Variants in LIPA observed in about 807,000 individuals in gnomAD.
LIPA encodes lipase A, lysosomal acid type.
Under a neutral mutation model 40.6 loss-of-function variants are expected in LIPA, and 26 were observed. That is an observed-to-expected ratio of 0.64 (90% confidence interval 0.47 to 0.89). The LOEUF is 0.89. Ranked by LOEUF, LIPA falls within the 40% of genes least tolerant of loss-of-function variation. LIPA has a pLI of 0.00. For synonymous variants in LIPA, 188 were observed against 168.4 expected (o/e 1.12, Z -0.90); for missense variants, 455 against 479.6 (o/e 0.95, Z 0.48).
chr10:89,388,760 G>C (rs1453889062), intron 2 of LIPA, among the ~76,000 whole-genome samples: 2 of 150,210 alleles, frequency 1.3e-5, no homozygotes, highest in East Asian at 1.9e-4. Context: ...GAAATTTCTT[G>C]TGTCTATAGT....
At chr10:89,258,233 A>G (rs1009886135) in intron 1 of LIPA, among the ~76,000 whole-genome samples, 4 of 152,352 alleles carry the variant, frequency 2.6e-5, no homozygotes, top group African/African-American at 9.6e-5. Context: ...TTGAATAGCT[A>G]TATGCAAAAC....
chr10:89,219,436 G>A lies in LIPA; in HGVS notation c.894+3075C>T, dbSNP rs115708538. Among the ~76,000 whole-genome samples, 551 of 152,300 alleles carry A rather than the reference G, an allele frequency of 3.6e-3. 1 individual carries two copies. Among genetic ancestry groups the A allele is most frequent in the African/African-American group, 0.012 (488 of 41,558 alleles). On this transcript the variant is annotated intron_variant, in intron 8 of 9. Coordinates refer to ENST00000336233, the MANE Select transcript of LIPA (RefSeq NM_000235.4). ...TCAAGTCTTGGCTCTGGGGAGCTCCGAAATTCATCAGGTTTATAAGGAGAA... is the reference window on the plus strand; with the variant it reads ...TCAAGTCTTGGCTCTGGGGAGCTCCAAAATTCATCAGGTTTATAAGGAGAA...
chr10:89,248,492 T>A (rs1181012893), intron 1 of LIPA, among the ~76,000 whole-genome samples: 1 of 142,874 alleles, frequency 7.0e-6, no homozygotes, highest in South Asian at 2.2e-4. Context: ...TTATTTATTT[T>A]GAGGCTGAGT....
At chr10:89,253,509 A>G (rs1843161537), upstream of LIPA, among the ~76,000 whole-genome samples, 1 of 152,166 alleles carries the variant, frequency 6.6e-6, no homozygotes, top group African/African-American at 2.4e-5. Flanking sequence ...CCCTCCCACA[A>G]CATGTGGGAA....
chr10:89,403,288 C>A, intron 2 of LIPA: 4 of 1,614,152 alleles, frequency 2.5e-6, no homozygotes, highest in Middle Eastern at 1.6e-4. Flanking sequence ...AAAAAGCCCA[C>A]ATTTGAGGTG....
chr10:89,272,044 T>C (rs1469288549), intron 1 of LIPA, among the ~76,000 whole-genome samples: 1 of 152,088 alleles, frequency 6.6e-6, no homozygotes, highest in Non-Finnish European at 1.5e-5. Context: ...CACTCCAGCC[T>C]GGGCACACAG....
intron 2 of LIPA, among the ~76,000 whole-genome samples, chr10:89,387,265 G>A (rs985072238): frequency 1.3e-5 from 2 of 148,168 alleles, no homozygotes; most frequent in Non-Finnish European, 3.0e-5. Context: ...GCAGTGAGCC[G>A]AGAGATCCCG....
In LIPA at chr10:89,321,521, T is replaced by G. The variant is rs528405101; in HGVS notation, c.-2+21090A>C. On this transcript the variant is annotated intron_variant, in intron 1 of 5. Transcript: ENST00000282673. ...AATGCAAATCAAAACCACAATGAGA[T>G]GCCATCTCACACCCGTTAGAATGGC... Among the ~76,000 whole-genome samples the G allele has an allele frequency of 1.9e-3, 288 of 152,322 alleles. 1 individual carries two copies. Among genetic ancestry groups the G allele is most frequent in the African/African-American group, 6.5e-3 (270 of 41,570 alleles).
At position 89,356,681 on chromosome 10, in the gene LIPA, A is replaced by T. The variant is rs571221027; in HGVS notation, c.61+56110T>A. Reference sequence around the variant, plus strand: ...AGCTCAGGGCTCCCACTGATTCTACATTATAGTGAGTTGTATAATTATTTC... The same window carrying T: ...AGCTCAGGGCTCCCACTGATTCTACTTTATAGTGAGTTGTATAATTATTTC... On this transcript the variant is annotated intron_variant, in intron 2 of 8. Transcript: ENST00000371837. Among the ~76,000 whole-genome samples, 6 of 152,310 alleles carry T rather than the reference A, an allele frequency of 3.9e-5. No homozygotes were observed. In the East Asian group the frequency reaches 1.2e-3, roughly 29 times the overall value.
chr10:89,384,202 G>C (rs140067482), intron 2 of LIPA: 8 of 1,614,038 alleles, frequency 5.0e-6, no homozygotes, highest in Non-Finnish European at 6.8e-6. Flanking sequence ...TTGCTACAGG[G>C]CACAAATGAT....
chr10:89,306,940 G>C (rs988857913), intron 1 of LIPA: 1 of 1,613,884 alleles, frequency 6.2e-7, no homozygotes, highest in Non-Finnish European at 8.5e-7. Context: ...AAGCTGATGA[G>C]GCCAATGATA....
chr10:89,355,116 G>T (rs1361212348), intron 2 of LIPA, among the ~76,000 whole-genome samples: 1 of 152,192 alleles, frequency 6.6e-6, no homozygotes, highest in Non-Finnish European at 1.5e-5. Flanking sequence ...ATTTGCAGGA[G>T]TAATTGGGGA....
Position 89,275,903 on chromosome 10 carries a change from C to A in LIPA, c.-1-28254G>T, listed in dbSNP as rs1843286987. Reference sequence around the variant, plus strand: ...AGATGCTTCATAAATAACTTTCTAACTGCAGTGTATGGAGATTATGTTATG... The same window carrying A: ...AGATGCTTCATAAATAACTTTCTAAATGCAGTGTATGGAGATTATGTTATG... On this transcript the variant is annotated intron_variant, in intron 1 of 5. Coordinates refer to the LIPA transcript ENST00000282673. Among the ~76,000 whole-genome samples the A allele has an allele frequency of 2.0e-5, 3 of 152,152 alleles. No individual in the cohort carries two copies. The South Asian group carries it at 6.2e-4, about 31-fold the overall frequency.
chr10:89,307,911 A>G (rs1843493087), intron 1 of LIPA: 1 of 155,816 alleles, frequency 6.4e-6, no homozygotes. Context: ...TTCCCAGTCT[A>G]TCATCAACCT....
intron 2 of LIPA, chr10:89,403,641 G>A: frequency 6.2e-7 from 1 of 1,612,834 alleles, no homozygotes; most frequent in Non-Finnish European, 8.5e-7. Context: ...TATGAATGAA[G>A]CCCTGGAGTA....
At position 89,371,017 on chromosome 10, in the gene LIPA, CAAAA is replaced by C. The variant is rs889449541; in HGVS notation, c.61+41770_61+41773del. ...TGGGTGACAGAGTGAGACTCTGTCT[CAAAA>C]AAACAAACAAACAAACAAAAAATTT... On this transcript the variant is annotated intron_variant, in intron 2 of 8. Transcript: ENST00000371837. 1.1e-4 allele frequency among the ~76,000 whole-genome samples: 17 copies of C among 151,764 alleles called. No homozygotes were observed. The Admixed American group carries it at 1.1e-3, about 10-fold the overall frequency.
At chr10:89,260,194 G>C (rs1843200374) in intron 1 of LIPA, among the ~76,000 whole-genome samples, 2 of 152,170 alleles carry the variant, frequency 1.3e-5, no homozygotes, top group African/African-American at 2.4e-5. Context: ...CGTTTCTTCA[G>C]ATGATGATAT....
intron 2 of LIPA, chr10:89,383,970 T>G: frequency 6.2e-7 from 1 of 1,614,164 alleles, no homozygotes. Flanking sequence ...ATGTATATAT[T>G]AGGGTTCTCC....
At chr10:89,410,172 G>A (rs1236166185) in intron 2 of LIPA, among the ~76,000 whole-genome samples, 2 of 152,214 alleles carry the variant, frequency 1.3e-5, no homozygotes, top group African/African-American at 4.8e-5. Context: ...CTTAGTGTCA[G>A]AGGCTATCAA....
Sources: allele counts gnomAD v4.1 joint callset (sites outside exome capture counted in the v4.1 genomes callset), GRCh38; gene constraint gnomAD v4.1.1; transcripts MANE v1.5; gene names NCBI Gene and HGNC (gene_info 2026-07-23, HGNC 2026-07-21).